PELI2: variants seen among roughly 807,000 people sequenced by gnomAD.
PELI2 encodes pellino E3 ubiquitin protein ligase family member 2, also known as E3 ubiquitin-protein ligase pellino homolog 2.
Under a neutral mutation model 42.3 loss-of-function variants are expected in PELI2, and 23 were observed. The ratio of observed to expected loss-of-function variants is 0.54; its 90% CI spans 0.39 to 0.77. The LOEUF (loss-of-function observed/expected upper bound fraction) is 0.77. PELI2 is among the 30% of genes least tolerant of loss of function. PELI2 has a pLI of 0.00. For missense variants in PELI2, 463 were observed against 553.2 expected, an observed-to-expected ratio of 0.84 and a Z score of 1.64; for synonymous variants, 245 against 212.2, an observed-to-expected ratio of 1.15 and a Z score of -1.34.
rs1168950030 is a variant in PELI2, at chr14:56,254,166, C to CAAGGCAGGCAGATCACG, written c.208-25508_208-25492dup. On this transcript the variant is annotated intron_variant, in intron 2 of 5. Coordinates refer to ENST00000267460, the MANE Select transcript of PELI2 (RefSeq NM_021255.3). ...CTGTAATCCCAACACTTTAGGAGGCCAAGGCAGGCAGATCACGAGGTCAAG... is the reference window on the plus strand; with the variant it reads ...CTGTAATCCCAACACTTTAGGAGGCCAAGGCAGGCAGATCACGAAGGCAGGCAGATCACGAGGTCAAG... Among the ~76,000 whole-genome samples, 3 of 152,242 alleles carry CAAGGCAGGCAGATCACG rather than the reference C, an allele frequency of 2.0e-5. No homozygotes were observed. The East Asian group carries it at 5.8e-4, about 29-fold the overall frequency.
At chr14:56,295,486 C>G (rs1889969768) in intron 5 of PELI2, among the ~76,000 whole-genome samples, 1 of 152,196 alleles carries the variant, frequency 6.6e-6, no homozygotes, top group South Asian at 2.1e-4. Context: ...CTGCTATCCT[C>G]CCTACTGAGG....
At chr14:56,238,637 A>C (rs930648388) in intron 2 of PELI2, among the ~76,000 whole-genome samples, 4 of 152,140 alleles carry the variant, frequency 2.6e-5, no homozygotes, top group Non-Finnish European at 5.9e-5. Context: ...ACTTACTGTG[A>C]TTTTATTTGT....
At position 56,299,926 on chromosome 14, in the gene PELI2, G is replaced by A. The variant is rs1228616720; in HGVS notation, c.*2760G>A. 1 of 152,554 alleles carries A rather than the reference G, an allele frequency of 6.6e-6. No individual in the cohort carries two copies. The highest frequency in any genetic ancestry group is 2.4e-5 in the African/African-American group (1 of 41,430). 9.5% of individuals were successfully genotyped at this position (152,554 alleles called of 1,614,324 possible). A position where few individuals can be genotyped will look rare whatever the true frequency, so the allele number is the denominator to read the frequency against. On this transcript the variant is annotated 3_prime_UTR_variant, in exon 6 of 6. Coordinates refer to ENST00000267460, the MANE Select transcript of PELI2 (RefSeq NM_021255.3). ...CAAAAAAAAAGATTCAGAGTGGATGGAGTACAACTCTGAGTATTTTTCTAG... is the reference window on the plus strand; with the variant it reads ...CAAAAAAAAAGATTCAGAGTGGATGAAGTACAACTCTGAGTATTTTTCTAG...
chr14:56,130,602 G>A (rs868705016), intron 1 of PELI2, among the ~76,000 whole-genome samples: 22 of 151,962 alleles, frequency 1.4e-4, no homozygotes, highest in African/African-American at 3.9e-4. Context: ...CCACATATGC[G>A]CTTTGCCCAC....
chr14:56,260,739 G>T (rs1486818059), intron 2 of PELI2, among the ~76,000 whole-genome samples: 1 of 152,144 alleles, frequency 6.6e-6, no homozygotes, highest in Non-Finnish European at 1.5e-5. Context: ...CTCAAGAAGC[G>T]AACACACTCT....
chr14:56,130,701 C>T (rs1313413187), intron 1 of PELI2, among the ~76,000 whole-genome samples: 2 of 151,922 alleles, frequency 1.3e-5, no homozygotes, highest in South Asian at 2.1e-4. Flanking sequence ...TCCCTATTTA[C>T]CTGAATATAT....
chr14:56,194,240 C>T (rs1886052235), intron 2 of PELI2, among the ~76,000 whole-genome samples: 2 of 152,150 alleles, frequency 1.3e-5, no homozygotes, highest in Admixed American at 6.5e-5. Context: ...TGCCTCTCTC[C>T]CTGCAGGCTC....
intron 5 of PELI2, chr14:56,292,679 ATGTG>A (rs978158296): frequency 8.6e-5 from 41 of 475,342 alleles, no homozygotes; most frequent in Non-Finnish European, 1.0e-4. Flanking sequence ...ATACTAATGT[ATGTG>A]TAACAAGAAA....
intron 1 of PELI2, among the ~76,000 whole-genome samples, chr14:56,149,639 C>T (rs1283305201): frequency 6.6e-6 from 1 of 151,398 alleles, no homozygotes; most frequent in Non-Finnish European, 1.5e-5. Flanking sequence ...AGTGTGAAAT[C>T]TTTTTTGTTG....
chr14:56,202,322 C>T (rs1406611904), intron 2 of PELI2, among the ~76,000 whole-genome samples: 2 of 142,138 alleles, frequency 1.4e-5, no homozygotes, highest in African/African-American at 5.0e-5. Flanking sequence ...AATAAGCCTG[C>T]CTTTAAGAGT....
rs1355031127 is a variant in PELI2, at chr14:56,298,987, A to G, written c.*1821A>G. 6.6e-6 allele frequency: 1 copy of G among 152,206 alleles called. No individual in the cohort carries two copies. Among genetic ancestry groups the G allele is most frequent in the Non-Finnish European group, 1.5e-5 (1 of 68,052 alleles). 9.4% of individuals were successfully genotyped at this position (152,206 alleles called of 1,614,324 possible). A position where few individuals can be genotyped will look rare whatever the true frequency, so the allele number is the denominator to read the frequency against. On this transcript the variant is annotated 3_prime_UTR_variant, in exon 6 of 6. Transcript: ENST00000267460. The stretch of plus-strand genomic sequence containing the variant: ...GGACTTGCCTAGAATAATATATTGA[A>G]TGCCTTTTGATTTAGCCAGAGTCTC...
chr14:56,175,942 T>C (rs1439894221), intron 1 of PELI2, among the ~76,000 whole-genome samples: 3 of 152,242 alleles, frequency 2.0e-5, no homozygotes, highest in African/African-American at 7.2e-5. Context: ...TTTTCAGCCA[T>C]ATAACACTTT....
intron 2 of PELI2, among the ~76,000 whole-genome samples, chr14:56,210,112 T>C (rs1886660903): frequency 6.6e-6 from 1 of 152,092 alleles, no homozygotes. Context: ...TTATGTAGGG[T>C]AAATTTTGCC....
At chr14:56,239,555 G>A (rs546185143) in intron 2 of PELI2, among the ~76,000 whole-genome samples, 3 of 152,262 alleles carry the variant, frequency 2.0e-5, no homozygotes, top group East Asian at 3.9e-4. Flanking sequence ...ATATTTGTAA[G>A]GTATTTTCCT....
Position 56,197,969 on chromosome 14 carries a change from GACACAC to G in PELI2, c.207+19544_207+19549del, listed in dbSNP as rs4038318. On this transcript the variant is annotated intron_variant, in intron 2 of 5. Transcript: ENST00000267460. The surrounding 1 kb of genome is among the most constrained non-coding windows in gnomAD (Gnocchi z 4.9). ...CACACCAGGGATCATGACTGGTGAA[GACACAC>G]ACACACACACACACACACACACACA... 0.092 allele frequency among the ~76,000 whole-genome samples: 11,902 copies of G among 129,644 alleles called. 586 individuals are homozygous for G. The highest frequency in any genetic ancestry group is 0.26 in the South Asian group (981 of 3,782). 85.1% of individuals were successfully genotyped at this position (129,644 alleles called of 152,430 possible). A position where few individuals can be genotyped will look rare whatever the true frequency, so the allele number is the denominator to read the frequency against.
chr14:56,263,576 G>T (rs959010035), intron 2 of PELI2, among the ~76,000 whole-genome samples: 5 of 152,102 alleles, frequency 3.3e-5, no homozygotes, highest in Non-Finnish European at 7.4e-5. Context: ...AATGGAGAGA[G>T]GTTCTGTAAG....
intron 2 of PELI2, among the ~76,000 whole-genome samples, chr14:56,255,285 A>C (rs981315054): frequency 6.6e-6 from 1 of 152,176 alleles, no homozygotes; most frequent in Non-Finnish European, 1.5e-5. Flanking sequence ...GCACATATAC[A>C]CCATAGAATA....
chr14:56,181,416 C>G (rs568414552), intron 2 of PELI2, among the ~76,000 whole-genome samples: 1 of 140,930 alleles, frequency 7.1e-6, no homozygotes, highest in Non-Finnish European at 1.5e-5. Flanking sequence ...TGTCATGGTA[C>G]TTGGCAGACA....
At chr14:56,234,343 AAC>A (rs1233745080) in intron 2 of PELI2, among the ~76,000 whole-genome samples, 22 of 152,350 alleles carry the variant, frequency 1.4e-4, no homozygotes, top group Admixed American at 1.2e-3. Context: ...AAAGACCTGG[AAC>A]CAGCCCAAAT....
Sources: allele counts gnomAD v4.1 joint callset (sites outside exome capture counted in the v4.1 genomes callset), GRCh38; gene constraint gnomAD v4.1.1; non-coding constraint Gnocchi (gnomAD v3.1); transcripts MANE v1.5; gene names NCBI Gene and HGNC (gene_info 2026-07-23, HGNC 2026-07-21).